ARFIP2: variants seen among roughly 807,000 people sequenced by gnomAD.
The protein encoded by ARFIP2 is ARF interacting protein 2, also known as arfaptin-2.
A neutral mutation model predicts 39.2 loss-of-function variants in ARFIP2; 14 were observed. That is an observed-to-expected ratio of 0.36 (90% confidence interval 0.24 to 0.56). ARFIP2 has a LOEUF of 0.56. ARFIP2 is among the 20% of genes least tolerant of loss of function. The pLI is 0.85. For missense variants in ARFIP2, 305 were observed against 422.5 expected (o/e 0.72, Z 2.44); for synonymous variants, 167 against 172.4 (o/e 0.97, Z 0.24).
In ARFIP2 at chr11:6,479,553, G is replaced by A. The variant is rs1035632281; in HGVS notation, c.197-295C>T. On this transcript the variant is annotated intron_variant, in intron 3 of 7. Coordinates refer to ENST00000396777, the MANE Select transcript of ARFIP2 (RefSeq NM_001376558.2). Reference sequence around the variant, plus strand: ...GAGTTTGGGGGCAGCAGGAGTCAAGGATGGTGGGTCATGATAACAAGAAAC... The same window carrying A: ...GAGTTTGGGGGCAGCAGGAGTCAAGAATGGTGGGTCATGATAACAAGAAAC... The A allele has an allele frequency of 1.0e-5, 6 of 593,962 alleles. No individual in the cohort carries two copies. In the African/African-American group the frequency reaches 1.1e-4, roughly 11 times the overall value. The allele number at this position is 593,962 out of a possible 1,614,324, so 36.8% of individuals were successfully genotyped here.
chr11:6,479,142 T>G lies in ARFIP2; in HGVS notation c.313A>C (p.Lys105Gln), dbSNP rs1418647068. ...AGGGAGAGGTGCTTAAATCCTACCTTATAGGTGTTGATGCCCCATTTCTTG... is the reference window on the plus strand; with the variant it reads ...AGGGAGAGGTGCTTAAATCCTACCTGATAGGTGTTGATGCCCCATTTCTTG... ...IVKKWGINTYKCTKQLLSERF... is the reference protein window; with the variant it reads ...IVKKWGINTYQCTKQLLSERF... Residue 105 changes from lysine (K) to glutamine (Q), a missense_variant and splice_region_variant, in exon 4 of 8, where the codon AAG becomes CAG. Physicochemically the swap from Lys to Gln is moderately conservative, Grantham distance 53. Around this residue, in one of 3 missense-constraint regions of ARFIP2, gnomAD observed 151 missense variants for 203.1 expected, o/e 0.74. Transcript: ENST00000396777. 1 of 1,614,036 alleles carries G rather than the reference T, an allele frequency of 6.2e-7. No individual in the cohort carries two copies. The highest frequency in any genetic ancestry group is 1.7e-5 in the Admixed American group (1 of 60,022).
intron 3 of ARFIP2, 75 bp from the exon 4 acceptor site, chr11:6,479,333 C>A: frequency 6.2e-7 from 1 of 1,610,738 alleles, no homozygotes; most frequent in Non-Finnish European, 8.5e-7. Flanking sequence ...CCATACTTCT[C>A]TTCGAGCACA....
At position 6,480,479 on chromosome 11, in the gene ARFIP2, C is replaced by A. The variant is rs1005048709; in HGVS notation, c.-42-16G>T. The A allele has an allele frequency of 7.9e-6, 11 of 1,393,994 alleles. No individual in the cohort carries two copies. Among genetic ancestry groups the A allele is most frequent in the South Asian group, 1.4e-5 (1 of 72,564 alleles). 86.4% of individuals were successfully genotyped at this position (1,393,994 alleles called of 1,614,324 possible). On this transcript the variant is annotated splice_polypyrimidine_tract_variant and intron_variant, in intron 1 of 7. Transcript: ENST00000396777. ...CCCCAGCACCCTGCAAAGCCCAACA[C>A]AGAAGTTCTGGACACTGGCCAGCAC...
At position 6,481,262 on chromosome 11, in the gene ARFIP2, C is replaced by T. The variant is rs934604619; in HGVS notation, c.-74G>A. 1.6e-6 allele frequency: 1 copy of T among 608,700 alleles called. No individual in the cohort carries two copies. The highest frequency in any genetic ancestry group is 2.9e-6 in the Non-Finnish European group (1 of 347,616). The allele number at this position is 608,700 out of a possible 1,614,324, so 37.7% of individuals were successfully genotyped here. A position where few individuals can be genotyped will look rare whatever the true frequency, so the allele number is the denominator to read the frequency against. ...CCGGGCCGCTCTTCCCCTCAGGGCG[C>T]CAGGCCCGGGCCGCGCGGGGACCTC... is the stretch of plus-strand genomic sequence containing the variant. On this transcript the variant is annotated 5_prime_UTR_variant, in exon 1 of 8. Coordinates refer to ENST00000396777, the MANE Select transcript of ARFIP2 (RefSeq NM_001376558.2).
chr11:6,478,823 G>A lies in ARFIP2; in HGVS notation c.452C>T (p.Thr151Ile). 2 of 1,614,160 alleles carry A rather than the reference G, an allele frequency of 1.2e-6. No individual in the cohort carries two copies. Among genetic ancestry groups the A allele is most frequent in the Non-Finnish European group, 1.7e-6 (2 of 1,180,012 alleles). ...CTGCAGCAGGCTGTAGAGGTGGGCT[G>A]TCAGTGCCCGGCCCAGCTGCAGGAC... The part of the protein sequence containing the change: ...ESVLQLGRAL[T>I]AHLYSLLQTQ... Residue 151 changes from threonine (T) to isoleucine (I), a missense_variant, in exon 5 of 8, where the codon ACA becomes ATA. Coordinates refer to ENST00000396777, the MANE Select transcript of ARFIP2 (RefSeq NM_001376558.2). The surrounding 1 kb of genome is among the most constrained non-coding windows in gnomAD (Gnocchi z 4.8).
rs74055807 is a variant in ARFIP2 at position 6,480,295 on chromosome 11, A to C, written c.99+28T>G. On this transcript the variant is annotated intron_variant, in intron 2 of 7. Coordinates refer to ENST00000396777, the MANE Select transcript of ARFIP2 (RefSeq NM_001376558.2). ...TTTATAAATTGGATTCCTAAATTGA[A>C]ACAATTAGAAGAATCAAACAGAAGC... is the stretch of plus-strand genomic sequence containing the variant. 4.9e-3 allele frequency: 7,853 copies of C among 1,601,854 alleles called. 281 individuals carry two copies. The African/African-American group carries it at 0.085, about 17-fold the overall frequency.
rs1851338570 is a variant in ARFIP2 at position 6,478,437 on chromosome 11, A to AG, written c.538-240dup. 4.9e-5 allele frequency: 47 copies of AG among 967,634 alleles called. No individual in the cohort carries two copies. In the South Asian group the frequency reaches 8.0e-4, roughly 17 times the overall value. 59.9% of individuals were successfully genotyped at this position (967,634 alleles called of 1,614,324 possible). On this transcript the variant is annotated intron_variant, in intron 5 of 7. Transcript: ENST00000396777. This position sits in a 1 kb window ranked among gnomAD's most constrained non-coding sequence, Gnocchi z 4.8. ...AAGTTCACAAGACTGGAACAGTCTG[A>AG]GAGCTAGTGTGGCAAGCAGGGGAGG...
At position 6,478,992 on chromosome 11, in the gene ARFIP2, C is replaced by CTGT. The variant is rs767822111; in HGVS notation, c.316-34_316-33insACA. On this transcript the variant is annotated intron_variant, in intron 4 of 7. Coordinates refer to ENST00000396777, the MANE Select transcript of ARFIP2 (RefSeq NM_001376558.2). The surrounding 1 kb of genome is among the most constrained non-coding windows in gnomAD (Gnocchi z 4.8). The stretch of plus-strand genomic sequence containing the variant: ...GGAAATGGGGGAATAAATCAGAGAC[C>CTGT]CTAACAGCCTCCCCACACAACAGGT... 8 of 1,607,198 alleles carry CTGT rather than the reference C, an allele frequency of 5.0e-6. No individual in the cohort carries two copies. In the African/African-American group the frequency reaches 1.1e-4, roughly 21 times the overall value.
In ARFIP2 at chr11:6,478,358, G is replaced by T. The variant is rs910755357; in HGVS notation, c.538-160C>A. 2.0e-5 allele frequency among the ~76,000 whole-genome samples: 3 copies of T among 152,054 alleles called. No homozygotes were observed. Among genetic ancestry groups the T allele is most frequent in the Non-Finnish European group, 4.4e-5 (3 of 67,990 alleles). On this transcript the variant is annotated intron_variant, in intron 5 of 7. Transcript: ENST00000396777. This position sits in a 1 kb window ranked among gnomAD's most constrained non-coding sequence, Gnocchi z 4.8. ...GGCTCTCTTAGCCGGAAAGTTAGTG[G>T]GATCACCCTGGGGATACCTGGGGTA...
chr11:6,477,569 T>C lies in ARFIP2; in HGVS notation c.870+149A>G, dbSNP rs1851212577. The stretch of plus-strand genomic sequence containing the variant: ...AAAGGGCCAGGAATTGGAGGGAGGG[T>C]GATCTGGAAAGGCCCAGGGGTTGAG... On this transcript the variant is annotated intron_variant, in intron 7 of 7. Transcript: ENST00000396777. This position sits in a 1 kb window ranked among gnomAD's most constrained non-coding sequence, Gnocchi z 4.8. 6.6e-6 allele frequency: 6 copies of C among 902,608 alleles called. No homozygotes were observed. Among genetic ancestry groups the C allele is most frequent in the Non-Finnish European group, 9.8e-6 (6 of 611,616 alleles). 55.9% of individuals were successfully genotyped at this position (902,608 alleles called of 1,614,324 possible). A position where few individuals can be genotyped will look rare whatever the true frequency, so the allele number is the denominator to read the frequency against.
In ARFIP2 at chr11:6,477,739, G is replaced by T. The variant is rs767285593; in HGVS notation, c.849C>A (p.Leu283=). The change falls in exon 7 of 8, where the codon CTC becomes CTA. Residue 283 remains leucine (L), a synonymous_variant. Transcript: ENST00000396777. This position sits in a 1 kb window ranked among gnomAD's most constrained non-coding sequence, Gnocchi z 4.8. ...GCACCTTGTTTTCTTCCAGGAACTT[G>T]AGCTTGATGGCCACATCTCCCCGCA... ...EKLRGDVAIK[L]KFLEENKIKV... 1 of 1,613,906 alleles carries T rather than the reference G, an allele frequency of 6.2e-7. No individual in the cohort carries two copies. The highest frequency in any genetic ancestry group is 8.5e-7 in the Non-Finnish European group (1 of 1,179,920).
At chr11:6,480,830 TGAG>T (rs1589856045) in intron 1 of ARFIP2, 1 of 178,504 alleles carries the variant, frequency 5.6e-6, no homozygotes, top group East Asian at 1.8e-4. Context: ...GTGTTTATGC[TGAG>T]GAGATGAACC....
In ARFIP2 at chr11:6,478,273, C is replaced by T. The variant is rs1464742000; in HGVS notation, c.538-75G>A. 6.4e-7 allele frequency: 1 copy of T among 1,554,912 alleles called. No individual in the cohort carries two copies. On this transcript the variant is annotated intron_variant, in intron 5 of 7. Coordinates refer to ENST00000396777, the MANE Select transcript of ARFIP2 (RefSeq NM_001376558.2). The surrounding 1 kb of genome is among the most constrained non-coding windows in gnomAD (Gnocchi z 4.8). ...TGAAGCTGTAGAGCCCTTCATTCCC[C>T]TCCTCCCCGGGGAGGACACAGCCAG... is the stretch of plus-strand genomic sequence containing the variant.
Position 6,480,255 on chromosome 11 carries a change from G to A in ARFIP2, c.99+68C>T, listed in dbSNP as rs76285816. 2.5e-3 allele frequency: 3,733 copies of A among 1,505,336 alleles called. 61 individuals are homozygous for A. The African/African-American group carries it at 0.041, about 17-fold the overall frequency. The allele number at this position is 1,505,336 out of a possible 1,614,324, so 93.2% of individuals were successfully genotyped here. On this transcript the variant is annotated intron_variant, in intron 2 of 7. Coordinates refer to ENST00000396777, the MANE Select transcript of ARFIP2 (RefSeq NM_001376558.2). ...TCAGGGGAAGGCTACTGGAATGGAG[G>A]GTGAGAACCTAGGATTTATAAATTG...
chr11:6,480,531 A>C, intron 1 of ARFIP2, 68 bp from the exon 2 acceptor site: 1 of 787,952 alleles, frequency 1.3e-6, no homozygotes, highest in Non-Finnish European at 2.0e-6. Context: ...CTCCTCTGTC[A>C]TTTCTTTAAA....
Position 6,479,978 on chromosome 11 carries a change from G to A in ARFIP2, c.190C>T (p.Pro64Ser), listed in dbSNP as rs775199500. 3 of 1,613,652 alleles carry A rather than the reference G, an allele frequency of 1.9e-6. No homozygotes were observed. The Admixed American group carries it at 5.0e-5, about 27-fold the overall frequency. Residue 64 changes from proline (P) to serine (S), a missense_variant, in exon 3 of 8, where the codon CCC (proline) becomes TCC (serine). By Grantham distance (74) the Pro-to-Ser change is moderately conservative. Coordinates refer to ENST00000396777, the MANE Select transcript of ARFIP2 (RefSeq NM_001376558.2). Reference sequence around the variant, plus strand: ...TGTTTCTGAACATTCATACCTGTGGGGATGAGTCCATCACCAGAGCCCCCA... The same window carrying A: ...TGTTTCTGAACATTCATACCTGTGGAGATGAGTCCATCACCAGAGCCCCCA... ...GYGGSGDGLI[P>S]TGSGRHPSHS...
Position 6,476,838 on chromosome 11 carries a change from G to A in ARFIP2, c.*275C>T. 1 of 392,756 alleles carries A rather than the reference G, an allele frequency of 2.5e-6. No individual in the cohort carries two copies. 24.3% of individuals were successfully genotyped at this position (392,756 alleles called of 1,614,324 possible). On this transcript the variant is annotated 3_prime_UTR_variant, in exon 8 of 8. Coordinates refer to ENST00000396777, the MANE Select transcript of ARFIP2 (RefSeq NM_001376558.2). ...CTGAAGAGTGATGCCATTGGCCAGG[G>A]AGTGGTTTTGTCATAGCCGTTGGCT...
chr11:6,481,249 T>TC lies in ARFIP2; in HGVS notation c.-62dup, dbSNP rs1851739009. The TC allele has an allele frequency of 1.7e-6, 1 of 594,204 alleles. No individual in the cohort carries two copies. 36.8% of individuals were successfully genotyped at this position (594,204 alleles called of 1,614,324 possible). On this transcript the variant is annotated 5_prime_UTR_variant, in exon 1 of 8. Transcript: ENST00000396777. The stretch of plus-strand genomic sequence containing the variant: ...CTCTCACCTCGGGCCGGGCCGCTCT[T>TC]CCCCTCAGGGCGCCAGGCCCGGGCC...
rs1157235221 is a variant in ARFIP2, at chr11:6,478,364, C to T, written c.538-166G>A. On this transcript the variant is annotated intron_variant, in intron 5 of 7. Coordinates refer to ENST00000396777, the MANE Select transcript of ARFIP2 (RefSeq NM_001376558.2). The surrounding 1 kb of genome is among the most constrained non-coding windows in gnomAD (Gnocchi z 4.8). Reference sequence around the variant, plus strand: ...CTTAGCCGGAAAGTTAGTGGGATCACCCTGGGGATACCTGGGGTAGGAATG... The same window carrying T: ...CTTAGCCGGAAAGTTAGTGGGATCATCCTGGGGATACCTGGGGTAGGAATG... Among the ~76,000 whole-genome samples the T allele has an allele frequency of 6.6e-6, 1 of 152,020 alleles. No homozygotes were observed. The highest frequency in any genetic ancestry group is 6.5e-5 in the Admixed American group (1 of 15,270).
Sources: gnomAD v4.1 joint callset for allele counts (sites outside exome capture counted in the v4.1 genomes callset) on GRCh38, gnomAD v4.1.1 for gene constraint, gnomAD v4.1.1 regional missense constraint, Gnocchi (gnomAD v3.1) non-coding constraint, MANE v1.5 for transcripts, NCBI Gene and HGNC (gene_info 2026-07-23, HGNC 2026-07-21) for gene names.